The following BLM variants were observed in gnomAD, a reference collection of about 807,000 sequenced individuals.
BLM encodes the protein recQ-like DNA helicase BLM.
BLM carries 95 observed loss-of-function variants against 135.3 expected under a neutral mutation model. The observed-to-expected ratio is 0.70, with a 90% CI of 0.59 to 0.83. BLM has a LOEUF of 0.83. Among genes scored for constraint, BLM ranks in the 40% least tolerant of loss-of-function variants. The probability of loss-of-function intolerance (pLI) is 0.00; values close to 1 mark genes in which losing one functional copy is unlikely to be tolerated. For missense variants in BLM, 1,518 were observed against 1,663.9 expected, an observed-to-expected ratio of 0.91 and a Z score of 1.53; for synonymous variants, 520 against 589.2, an observed-to-expected ratio of 0.88 and a Z score of 1.70.
At chr15:90,779,399 A>G (rs1360921224) in intron 12 of BLM, among the ~76,000 whole-genome samples, 4 of 152,292 alleles carry the variant, frequency 2.6e-5, no homozygotes, top group Admixed American at 6.5e-5. Context: ...CAATAAGGCC[A>G]TTGTTATGCC....
At chr15:90,781,261 T>C (rs7182908) in intron 12 of BLM, among the ~76,000 whole-genome samples, 43,590 of 152,074 alleles carry the variant, frequency 0.29, 7,317 homozygotes, top group African/African-American at 0.48. Flanking sequence ...TTATGTATCC[T>C]GGGGTGTCCA....
chr15:90,803,799 G>C, intron 18 of BLM, 79 bp downstream of exon 18: 1 of 1,409,644 alleles, frequency 7.1e-7, no homozygotes, highest in Non-Finnish European at 1.0e-6. Context: ...TAGTGTCTTT[G>C]TCCAAGCTTA....
chr15:90,727,134 T>G (rs1222592915), intron 1 of BLM, among the ~76,000 whole-genome samples: 1 of 152,132 alleles, frequency 6.6e-6, no homozygotes, highest in Non-Finnish European at 1.5e-5. Context: ...CTTTCTTAAC[T>G]GGGGTAGGAT....
At chr15:90,760,024 A>T (rs2151156790) in intron 5 of BLM, 123 bp from the exon 6 acceptor site, 1 of 876,058 alleles carries the variant, frequency 1.1e-6, no homozygotes, top group Non-Finnish European at 1.8e-6. Flanking sequence ...TCCTGGACTT[A>T]AGCAATCCTC....
At chr15:90,725,161 G>A (rs1012617969) in intron 1 of BLM, among the ~76,000 whole-genome samples, 6 of 152,006 alleles carry the variant, frequency 3.9e-5, no homozygotes, top group South Asian at 4.2e-4. Flanking sequence ...TGCCCGTCTC[G>A]GCCTCCCAAA....
chr15:90,756,066 C>T (rs958091321), intron 5 of BLM, among the ~76,000 whole-genome samples: 1 of 151,496 alleles, frequency 6.6e-6, no homozygotes, highest in Non-Finnish European at 1.5e-5. Flanking sequence ...TTAACTAATT[C>T]AGTCATCACC....
chr15:90,797,889 G>C (rs1395458354), intron 16 of BLM, among the ~76,000 whole-genome samples: 1 of 152,160 alleles, frequency 6.6e-6, no homozygotes, highest in Non-Finnish European at 1.5e-5. Context: ...ATTCTAGGAG[G>C]CATGGAGGAT....
chr15:90,784,351 T>TTTG (rs534653059), intron 13 of BLM, among the ~76,000 whole-genome samples: 16 of 125,170 alleles, frequency 1.3e-4, no homozygotes, highest in African/African-American at 4.4e-4. Context: ...TTTTTTTTTT[T>TTTG]GAGGCTGAGT....
chr15:90,744,700 T>C (rs1170942246), intron 1 of BLM, among the ~76,000 whole-genome samples: 3 of 147,766 alleles, frequency 2.0e-5, no homozygotes, highest in Non-Finnish European at 4.5e-5. Flanking sequence ...GGATTCCAAA[T>C]GGTGAAGTGC....
chr15:90,769,042 A>T, intron 10 of BLM, 91 bp from the exon 11 acceptor site: 1 of 1,156,124 alleles, frequency 8.6e-7, no homozygotes, highest in Non-Finnish European at 1.3e-6. Context: ...AGGTTTTAAT[A>T]CAGCTTAAGT....
At chr15:90,802,089 G>A (rs916749096) in intron 17 of BLM, among the ~76,000 whole-genome samples, 1 of 152,094 alleles carries the variant, frequency 6.6e-6, no homozygotes, top group Admixed American at 6.6e-5. Context: ...GCCAGCTTTC[G>A]TAGTTGTCCT....
intron 1 of BLM, among the ~76,000 whole-genome samples, chr15:90,742,909 T>C (rs1895405219): frequency 6.6e-6 from 1 of 151,858 alleles, no homozygotes; most frequent in South Asian, 2.1e-4. Context: ...GTGCTAGTAT[T>C]ACAAGTGTGA....
chr15:90,765,444 G>C (rs769408513), intron 9 of BLM, 30 bp downstream of exon 9: 1 of 1,482,170 alleles, frequency 6.7e-7, no homozygotes, highest in East Asian at 2.3e-5. Flanking sequence ...ATAAAAACAC[G>C]CCTTAGAAAC....
At chr15:90,757,856 G>A (rs1033509371) in intron 5 of BLM, among the ~76,000 whole-genome samples, 1 of 151,254 alleles carries the variant, frequency 6.6e-6, no homozygotes, top group African/African-American at 2.4e-5. Flanking sequence ...GGCATCTGTT[G>A]TCCTTGCTTC....
intron 15 of BLM, among the ~76,000 whole-genome samples, chr15:90,791,798 C>A (rs1304705464): frequency 1.3e-5 from 2 of 152,006 alleles, no homozygotes; most frequent in Non-Finnish European, 2.9e-5. Flanking sequence ...GCTACCATGC[C>A]CAACTAATTT....
intron 12 of BLM, among the ~76,000 whole-genome samples, chr15:90,778,320 A>C (rs933593978): frequency 6.6e-6 from 1 of 152,240 alleles, no homozygotes; most frequent in Non-Finnish European, 1.5e-5. Context: ...TGTGTCTACA[A>C]ATTTTAAGAA....
intron 12 of BLM, among the ~76,000 whole-genome samples, chr15:90,771,705 T>C (rs1896323313): frequency 6.6e-6 from 1 of 151,566 alleles, no homozygotes; most frequent in African/African-American, 2.4e-5. Context: ...CCTTCCTAAG[T>C]GCTGAGATTC....
intron 1 of BLM, among the ~76,000 whole-genome samples, chr15:90,729,926 A>G (rs1413185150): frequency 6.6e-6 from 1 of 151,934 alleles, no homozygotes; most frequent in Non-Finnish European, 1.5e-5. Context: ...GCTCACTGCA[A>G]CCTCCGCCTC....
intron 1 of BLM, among the ~76,000 whole-genome samples, chr15:90,743,820 A>G (rs376870120): frequency 1.3e-5 from 2 of 152,218 alleles, no homozygotes; most frequent in East Asian, 3.8e-4. Flanking sequence ...ATTTTGAGTA[A>G]GAAAATTATG....
Sources: gnomAD v4.1 joint callset for allele counts (sites outside exome capture counted in the v4.1 genomes callset) on GRCh38, gnomAD v4.1.1 for gene constraint, MANE v1.5 for transcripts, NCBI Gene and HGNC (gene_info 2026-07-23, HGNC 2026-07-21) for gene names.